The following VWC2L variants were observed in gnomAD, a reference collection of about 807,000 sequenced individuals.
The protein encoded by VWC2L is von Willebrand factor C domain-containing protein 2-like.
A neutral mutation model predicts 21.6 loss-of-function variants in VWC2L; 10 were observed. The ratio of observed to expected loss-of-function variants is 0.46; its 90% CI spans 0.29 to 0.78. VWC2L has a LOEUF of 0.78. VWC2L is among the 30% of genes least tolerant of loss of function. The probability of loss-of-function intolerance (pLI) is 0.10; values close to 1 mark genes in which losing one functional copy is unlikely to be tolerated. For missense variants in VWC2L, 209 were observed against 277.1 expected, an observed-to-expected ratio of 0.75 and a Z score of 1.74; for synonymous variants, 96 against 94.3, an observed-to-expected ratio of 1.02 and a Z score of -0.10.
In VWC2L at chr2:214,577,770, CAAGA is replaced by C. The variant is rs1369160042; in HGVS notation, c.*1955_*1958del. 3.9e-5 allele frequency: 6 copies of C among 152,166 alleles called. No individual in the cohort carries two copies. The highest frequency in any genetic ancestry group is 5.9e-5 in the Non-Finnish European group (4 of 68,034). The allele number at this position is 152,166 out of a possible 1,614,324, so 9.4% of individuals were successfully genotyped here. A position where few individuals can be genotyped will look rare whatever the true frequency, so the allele number is the denominator to read the frequency against. ...CCTCCCTGGAAGCATCTGCTGTCAT[CAAGA>C]AAGAGTTGTCATTTCCAAAATTAAC... On this transcript the variant is annotated 3_prime_UTR_variant, in exon 4 of 4. Transcript: ENST00000312504.
intron 3 of VWC2L, among the ~76,000 whole-genome samples, chr2:214,501,104 A>G (rs912119582): frequency 3.9e-5 from 6 of 152,224 alleles, no homozygotes; most frequent in Admixed American, 3.3e-4. Flanking sequence ...TTTATTAGCC[A>G]GTAAGCCAAT....
chr2:214,527,841 G>A (rs1029391096), intron 3 of VWC2L, among the ~76,000 whole-genome samples: 1 of 152,052 alleles, frequency 6.6e-6, no homozygotes, highest in African/African-American at 2.4e-5. Context: ...TTGTATCCAT[G>A]GCATAAATGA....
chr2:214,425,186 G>A (rs573741879), intron 2 of VWC2L, among the ~76,000 whole-genome samples: 1 of 152,182 alleles, frequency 6.6e-6, no homozygotes, highest in Non-Finnish European at 1.5e-5. Context: ...TCTGGAATCA[G>A]ATATTCTTCC....
At chr2:214,527,642 T>C (rs1287521626) in intron 3 of VWC2L, among the ~76,000 whole-genome samples, 1 of 152,172 alleles carries the variant, frequency 6.6e-6, no homozygotes, top group African/African-American at 2.4e-5. Flanking sequence ...TGATTCCATC[T>C]TACCATCTGA....
rs1690257887 is a variant in VWC2L at position 214,577,865 on chromosome 2, GC to G, written c.*2047del. 1 of 152,278 alleles carries G rather than the reference GC, an allele frequency of 6.6e-6. No individual in the cohort carries two copies. The highest frequency in any genetic ancestry group is 6.5e-5 in the Admixed American group (1 of 15,278). 9.4% of individuals were successfully genotyped at this position (152,278 alleles called of 1,614,324 possible). On this transcript the variant is annotated 3_prime_UTR_variant, in exon 4 of 4. Transcript: ENST00000312504. Reference sequence around the variant, plus strand: ...CTTGCGTTATGATACAAATAGCCATGCCGGCACCATCCCGAGGAAGAGCATC... The same window carrying G: ...CTTGCGTTATGATACAAATAGCCATGCGGCACCATCCCGAGGAAGAGCATC...
intron 3 of VWC2L, among the ~76,000 whole-genome samples, chr2:214,496,295 T>C (rs1218202377): frequency 1.5e-5 from 2 of 129,470 alleles, no homozygotes; most frequent in Non-Finnish European, 3.6e-5. Flanking sequence ...AAACTTTATG[T>C]GGCACATGAG....
chr2:214,452,970 A>T (rs1702998892), intron 3 of VWC2L, among the ~76,000 whole-genome samples: 1 of 152,172 alleles, frequency 6.6e-6, no homozygotes, highest in Non-Finnish European at 1.5e-5. Context: ...TATTCTGTAG[A>T]CAAGTCCTTT....
chr2:214,535,460 T>C (rs968419631), intron 3 of VWC2L, among the ~76,000 whole-genome samples: 9 of 151,824 alleles, frequency 5.9e-5, no homozygotes, highest in Admixed American at 3.3e-4. Flanking sequence ...AAAGTTCTTA[T>C]ATCCACATTG....
intron 3 of VWC2L, among the ~76,000 whole-genome samples, chr2:214,562,305 C>A (rs377087940): frequency 6.6e-6 from 1 of 152,124 alleles, no homozygotes; most frequent in African/African-American, 2.4e-5. Context: ...TATCCATCTC[C>A]CTGCAAAAGA....
intron 3 of VWC2L, among the ~76,000 whole-genome samples, chr2:214,478,354 A>AT (rs753471656): frequency 1.2e-4 from 18 of 151,818 alleles, no homozygotes; most frequent in Non-Finnish European, 2.2e-4. Context: ...TGGCAGGCAC[A>AT]TGTAATCCCA....
chr2:214,578,663 G>A lies in VWC2L; in HGVS notation c.*2843G>A, dbSNP rs1690269567. ...AGAGCTCTGGTCTCATCTGTTGTTT[G>A]TTTCTTGTGAAGTCTTTGTTTGCAG... is the stretch of plus-strand genomic sequence containing the variant. On this transcript the variant is annotated 3_prime_UTR_variant, in exon 4 of 4. Coordinates refer to ENST00000312504, the MANE Select transcript of VWC2L (RefSeq NM_001080500.4). 1 of 152,106 alleles carries A rather than the reference G, an allele frequency of 6.6e-6. No individual in the cohort carries two copies. The highest frequency in any genetic ancestry group is 6.6e-5 in the Admixed American group (1 of 15,256). The allele number at this position is 152,106 out of a possible 1,614,324, so 9.4% of individuals were successfully genotyped here. A position where few individuals can be genotyped will look rare whatever the true frequency, so the allele number is the denominator to read the frequency against.
intron 2 of VWC2L, among the ~76,000 whole-genome samples, chr2:214,431,624 T>G (rs1280692343): frequency 6.6e-6 from 1 of 152,196 alleles, no homozygotes; most frequent in Non-Finnish European, 1.5e-5. Context: ...TTCAGAATAT[T>G]CAAAATGTGT....
At chr2:214,468,315 T>C (rs1233611093) in intron 3 of VWC2L, among the ~76,000 whole-genome samples, 1 of 152,154 alleles carries the variant, frequency 6.6e-6, no homozygotes, top group Non-Finnish European at 1.5e-5. Context: ...ACCTGGCCAG[T>C]TTCACCTCTT....
chr2:214,567,222 G>T (rs556202999), intron 3 of VWC2L, among the ~76,000 whole-genome samples: 311 of 152,218 alleles, frequency 2.0e-3, no homozygotes, highest in African/African-American at 6.9e-3. Context: ...AATCATAAAA[G>T]ATCAATAAAG....
chr2:214,441,941 T>C (rs551878026), intron 3 of VWC2L, among the ~76,000 whole-genome samples: 142 of 151,418 alleles, frequency 9.4e-4, no homozygotes, highest in African/African-American at 3.3e-3. Context: ...AGATGAAGTC[T>C]AGTTCTGTCA....
intron 3 of VWC2L, among the ~76,000 whole-genome samples, chr2:214,454,723 C>G (rs1703030178): frequency 6.7e-6 from 1 of 149,822 alleles, no homozygotes; most frequent in African/African-American, 2.5e-5. Context: ...CCTGCCTCAG[C>G]CTCCGAGTAG....
intron 3 of VWC2L, among the ~76,000 whole-genome samples, chr2:214,558,817 T>TG (rs1380445804): frequency 3.9e-5 from 6 of 152,196 alleles, no homozygotes; most frequent in East Asian, 1.9e-4. Context: ...AGTTTTGTTT[T>TG]TTTTTTTTAA....
In VWC2L at chr2:214,557,596, G is replaced by A. The variant is rs573454976; in HGVS notation, c.521-18076G>A. Among the ~76,000 whole-genome samples, 24 of 152,216 alleles carry A rather than the reference G, an allele frequency of 1.6e-4. No individual in the cohort carries two copies. The South Asian group carries it at 2.5e-3, about 16-fold the overall frequency. On this transcript the variant is annotated intron_variant, in intron 3 of 3. Transcript: ENST00000312504. ...CCCTACTCAAACAAATATATTAGGC[G>A]TCCCCAGTCAGCTAGACTTTTTATT... is the stretch of plus-strand genomic sequence containing the variant.
At chr2:214,419,633 A>T (rs1702404907) in intron 2 of VWC2L, among the ~76,000 whole-genome samples, 1 of 152,130 alleles carries the variant, frequency 6.6e-6, no homozygotes, top group Non-Finnish European at 1.5e-5. Flanking sequence ...TTTGCCCAAG[A>T]TCAGTGCCCT....
Sources: allele counts gnomAD v4.1 joint callset (sites outside exome capture counted in the v4.1 genomes callset), GRCh38; gene constraint gnomAD v4.1.1; transcripts MANE v1.5; gene names NCBI Gene and HGNC (gene_info 2026-07-23, HGNC 2026-07-21).